STIL: variants seen among roughly 807,000 people sequenced by gnomAD.
STIL encodes STIL centriolar assembly protein, also known as SCL-interrupting locus protein.
In STIL, 55 loss-of-function variants were observed where a neutral mutation model predicts 110.1. The ratio of observed to expected loss-of-function variants is 0.50; its 90% CI spans 0.40 to 0.63. The LOEUF (loss-of-function observed/expected upper bound fraction) is 0.63. Ranked by LOEUF, STIL falls within the 20% of genes least tolerant of loss-of-function variation. STIL has a pLI of 0.00. For synonymous variants in STIL, 481 were observed against 530.0 expected (o/e 0.91, Z 1.27); for missense variants, 1,358 against 1,530.0 (o/e 0.89, Z 1.87).
intron 12 of STIL, among the ~76,000 whole-genome samples, chr1:47,278,754 T>C (rs1645061339): frequency 6.6e-6 from 1 of 151,890 alleles, no homozygotes; most frequent in African/African-American, 2.4e-5. Flanking sequence ...TCACTTGAGC[T>C]GAGGAGTTCA....
intron 14 of STIL, among the ~76,000 whole-genome samples, chr1:47,264,691 C>T (rs1213241413): frequency 1.3e-5 from 2 of 152,136 alleles, no homozygotes; most frequent in African/African-American, 4.8e-5. Context: ...TATGAATACT[C>T]AGCAGTGGGA....
At chr1:47,302,381 A>C (rs1570271654) in intron 3 of STIL, 35 bp from the exon 4 acceptor site, 3 of 1,494,294 alleles carry the variant, frequency 2.0e-6, no homozygotes, top group Middle Eastern at 1.7e-4. Context: ...AATATGGTAG[A>C]CCTCATATCT....
chr1:47,287,672 T>C lies in STIL; in HGVS notation c.1024-12A>G. ...GGAGGTTCAACATTCTGAAATGAAG[T>C]AGGTCATATTTTGAGATCTGACTTA... On this transcript the variant is annotated splice_polypyrimidine_tract_variant and intron_variant, in intron 9 of 16. Coordinates refer to ENST00000371877, the MANE Select transcript of STIL (RefSeq NM_001048166.1). 1.3e-6 allele frequency: 2 copies of C among 1,599,542 alleles called. No individual in the cohort carries two copies. The highest frequency in any genetic ancestry group is 4.5e-5 in the East Asian group (2 of 44,698).
intron 2 of STIL, among the ~76,000 whole-genome samples, chr1:47,307,725 G>A (rs778808450): frequency 4.6e-5 from 7 of 152,212 alleles, no homozygotes; most frequent in Non-Finnish European, 1.0e-4. Flanking sequence ...AACTCTGACC[G>A]CCGGTGAGCC....
At chr1:47,313,430 A>AC (rs34836474) in intron 1 of STIL, among the ~76,000 whole-genome samples, 22,868 of 151,442 alleles carry the variant, frequency 0.15, 2,232 homozygotes, top group Non-Finnish European at 0.22. Flanking sequence ...TCCAACCTTA[A>AC]CCCCCCCATC....
At chr1:47,265,167 T>G (rs1170638625) in intron 14 of STIL, among the ~76,000 whole-genome samples, 1 of 127,160 alleles carries the variant, frequency 7.9e-6, no homozygotes, top group Admixed American at 1.0e-4. Context: ...ACCCAGGAGG[T>G]GGAGGTTGCA....
At chr1:47,304,812 A>T in intron 3 of STIL, 77 bp downstream of exon 3, 1 of 1,091,264 alleles carries the variant, frequency 9.2e-7, no homozygotes, top group Non-Finnish European at 1.4e-6. Context: ...TGGTCATAGT[A>T]ATCAACTTTG....
At position 47,272,159 on chromosome 1, in the gene STIL, C is replaced by G. The variant is rs1447351591; in HGVS notation, c.2300G>C (p.Arg767Thr). The G allele has an allele frequency of 6.2e-7, 1 of 1,614,178 alleles. No homozygotes were observed. The highest frequency in any genetic ancestry group is 8.5e-7 in the Non-Finnish European group (1 of 1,180,030). The change falls in exon 13 of 17, where the codon AGA becomes ACA. Residue 767 changes from arginine to threonine, a missense_variant. Arg to Thr is a moderately conservative substitution (Grantham distance 71). Transcript: ENST00000371877. ...TAVEDTVQAG[R>T]QMELVSVEAQ... ...TTCCACAGAAACCAACTCCATTTGT[C>G]TTCCAGCTTGCACTGTGTCTTCAAC...
intron 8 of STIL, among the ~76,000 whole-genome samples, chr1:47,292,270 T>C (rs1002969441): frequency 1.3e-5 from 2 of 152,126 alleles, no homozygotes; most frequent in Non-Finnish European, 2.9e-5. Flanking sequence ...TTTCACAGTG[T>C]TAGTGCAGGT....
chr1:47,282,493 T>C, intron 10 of STIL, 34 bp from the exon 11 acceptor site: 2 of 1,310,476 alleles, frequency 1.5e-6, no homozygotes, highest in Non-Finnish European at 2.2e-6. Context: ...GAAAAGCCTT[T>C]GGTAATCCAG....
chr1:47,296,672 T>C (rs1570245604), intron 6 of STIL, among the ~76,000 whole-genome samples: 1 of 150,676 alleles, frequency 6.6e-6, no homozygotes, highest in South Asian at 2.1e-4. Context: ...TAGCCAGGCA[T>C]TGTGGCACAC....
At chr1:47,275,485 G>A (rs76673935) in intron 12 of STIL, among the ~76,000 whole-genome samples, 14,079 of 151,868 alleles carry the variant, frequency 0.093, 2,150 homozygotes, top group African/African-American at 0.32. Context: ...GCCAACGCCT[G>A]TAGTCCCAGC....
rs1230259872 is a variant in STIL, at chr1:47,295,838, T to C, written c.712A>G (p.Met238Val). ...AGTAACAATTTGCGTGTTTCATCCATGGTAAGATATCTAAACAGAAGACAT... is the reference window on the plus strand; with the variant it reads ...AGTAACAATTTGCGTGTTTCATCCACGGTAAGATATCTAAACAGAAGACAT... Reference protein sequence around the residue: ...QGTYKYGYLTMDETRKLLLLL... With the variant: ...QGTYKYGYLTVDETRKLLLLL... Residue 238 changes from methionine (M) to valine (V), a missense_variant, in exon 7 of 17, where the codon ATG becomes GTG. Met to Val is a conservative substitution (Grantham distance 21). Coordinates refer to ENST00000371877, the MANE Select transcript of STIL (RefSeq NM_001048166.1). The C allele has an allele frequency of 1.9e-6, 3 of 1,610,842 alleles. No homozygotes were observed. The highest frequency in any genetic ancestry group is 1.7e-5 in the Admixed American group (1 of 60,012).
At position 47,251,457 on chromosome 1, in the gene STIL, A is replaced by G. The variant is rs1353853447; in HGVS notation, c.3546T>C (p.Ser1182=). The part of the protein sequence containing the change: ...SKNDHEIINC[S]NCESVGTNAD... ...CGTTGGTCCCCACAGATTCACAGTT[A>G]GAACAATTAATTATTTCATGGTCAT... Residue 1182 remains serine (S), a synonymous_variant, in exon 17 of 17, where the codon TCT becomes TCC. Coordinates refer to ENST00000371877, the MANE Select transcript of STIL (RefSeq NM_001048166.1). 1 of 1,614,104 alleles carries G rather than the reference A, an allele frequency of 6.2e-7. No homozygotes were observed. The highest frequency in any genetic ancestry group is 8.5e-7 in the Non-Finnish European group (1 of 1,180,050).
Position 47,251,027 on chromosome 1 carries a change from G to C in STIL, c.*109C>G. 3 of 1,122,566 alleles carry C rather than the reference G, an allele frequency of 2.7e-6. No homozygotes were observed. The allele number at this position is 1,122,566 out of a possible 1,614,324, so 69.5% of individuals were successfully genotyped here. ...ACTCTTCCCAATTGGCTGCTACCAA[G>C]AAACAGTGACTCCAGAATGATCAGG... On this transcript the variant is annotated 3_prime_UTR_variant, in exon 17 of 17. Coordinates refer to ENST00000371877, the MANE Select transcript of STIL (RefSeq NM_001048166.1).
Position 47,310,358 on chromosome 1 carries a change from G to A in STIL, c.-39C>T. On this transcript the variant is annotated 5_prime_UTR_variant, in exon 2 of 17. Transcript: ENST00000371877. ...TGATTTCTTTAATTCCAAATCCTCA[G>A]TATCCTAAAGAATTAAAGAGAATAT... 2 of 1,572,710 alleles carry A rather than the reference G, an allele frequency of 1.3e-6. No individual in the cohort carries two copies. Among genetic ancestry groups the A allele is most frequent in the Non-Finnish European group, 1.7e-6 (2 of 1,144,276 alleles).
intron 12 of STIL, among the ~76,000 whole-genome samples, chr1:47,274,094 TTA>T (rs1491529824): frequency 2.1e-5 from 1 of 46,964 alleles, no homozygotes; most frequent in African/African-American, 1.1e-4. Flanking sequence ...AGTAAGCACT[TTA>T]CACACACACA....
At chr1:47,261,323 G>C (rs1037904145) in intron 15 of STIL, among the ~76,000 whole-genome samples, 4 of 151,514 alleles carry the variant, frequency 2.6e-5, no homozygotes, top group African/African-American at 9.7e-5. Flanking sequence ...AGAAGGCCCA[G>C]GTTGCAGAGA....
intron 2 of STIL, among the ~76,000 whole-genome samples, chr1:47,309,061 A>T (rs897551100): frequency 6.6e-6 from 1 of 152,008 alleles, no homozygotes; most frequent in Non-Finnish European, 1.5e-5. Context: ...CCAAAAAAAA[A>T]AAAAAATAAT....
Sources: allele counts gnomAD v4.1 joint callset (sites outside exome capture counted in the v4.1 genomes callset), GRCh38; gene constraint gnomAD v4.1.1; transcripts MANE v1.5; gene names NCBI Gene and HGNC (gene_info 2026-07-23, HGNC 2026-07-21).